The following CACNA1A variants were observed in gnomAD, a reference collection of about 807,000 sequenced individuals.
CACNA1A encodes calcium voltage-gated channel subunit alpha1 A.
In CACNA1A, 57 loss-of-function variants were observed where a neutral mutation model predicts 262.4. The ratio of observed to expected loss-of-function variants is 0.22; its 90% CI spans 0.18 to 0.27. The LOEUF is 0.27. Among genes scored for constraint, CACNA1A ranks in the 10% least tolerant of loss-of-function variants. The pLI is 1.00. For missense variants in CACNA1A, 2,526 were observed against 3,562.8 expected (o/e 0.71, Z 7.41); for synonymous variants, 1,431 against 1,419.3 (o/e 1.01, Z -0.18).
Position 13,252,971 on chromosome 19 carries a change from A to G in CACNA1A, c.4866+20T>C. The G allele has an allele frequency of 6.6e-7, 1 of 1,506,880 alleles. No individual in the cohort carries two copies. Among genetic ancestry groups the G allele is most frequent in the Non-Finnish European group, 9.2e-7 (1 of 1,082,790 alleles). The allele number at this position is 1,506,880 out of a possible 1,614,324, so 93.3% of individuals were successfully genotyped here. On this transcript the variant is annotated intron_variant, in intron 30 of 46. Transcript: ENST00000360228. ...GGGCTTCTCCCAAGCCCATAGCTGT[A>G]GCCCCAAGGTGGTACTTACCAGAAT...
chr19:13,482,057 T>C (rs1032598803), intron 1 of CACNA1A, among the ~76,000 whole-genome samples: 2 of 151,944 alleles, frequency 1.3e-5, no homozygotes, highest in African/African-American at 2.4e-5. Context: ...ACGGAAAGAT[T>C]TTCACTTAAA....
At position 13,335,903 on chromosome 19, in the gene CACNA1A, C is replaced by T. The variant is rs1353041373; in HGVS notation, c.985G>A (p.Asp329Asn). The T allele has an allele frequency of 6.3e-7, 1 of 1,597,206 alleles. No individual in the cohort carries two copies. The highest frequency in any genetic ancestry group is 8.5e-7 in the Non-Finnish European group (1 of 1,170,196). ...GWTDLLYNSN[D>N]ASGNTWNWLY... ...CAGTTCCAAGTGTTCCCTGAGGCAT[C>T]GTTGCTCTGTAGGGTGTGAGGAGGG... The change falls in exon 7 of 47, where the codon GAT becomes AAT. Residue 329 changes from aspartate to asparagine, a missense_variant. Physicochemically the swap from Asp to Asn is conservative, Grantham distance 23. This residue lies in a region of CACNA1A where 52 missense variants were observed against 124.0 expected (regional missense o/e 0.42). Transcript: ENST00000360228.
intron 31 of CACNA1A, among the ~76,000 whole-genome samples, chr19:13,238,847 A>G (rs2055970357): frequency 6.6e-6 from 1 of 152,122 alleles, no homozygotes; most frequent in African/African-American, 2.4e-5. Flanking sequence ...TCAGCCTCCC[A>G]AAGTGCTGGG....
Position 13,362,443 on chromosome 19 carries a change from T to G in CACNA1A, c.785-2644A>C, listed in dbSNP as rs1363365096. 3.9e-5 allele frequency: 6 copies of G among 152,228 alleles called. No individual in the cohort carries two copies. In the East Asian group the frequency reaches 1.2e-3, roughly 29 times the overall value. 9.4% of individuals were successfully genotyped at this position (152,228 alleles called of 1,614,324 possible). On this transcript the variant is annotated intron_variant, in intron 5 of 46. Coordinates refer to ENST00000360228, the MANE Select transcript of CACNA1A (RefSeq NM_001127222.2). ...TGGTCTTGAACTCCTGACCTTTTGA[T>G]CCGCCTGCCTCGGCCTCCCAAAGTG...
chr19:13,216,861 T>C (rs2055031880), intron 38 of CACNA1A, among the ~76,000 whole-genome samples: 1 of 152,134 alleles, frequency 6.6e-6, no homozygotes, highest in Non-Finnish European at 1.5e-5. Context: ...TTACGTTTAA[T>C]ATGCTAATTG....
At chr19:13,328,479 C>G (rs2058406261) in intron 10 of CACNA1A, among the ~76,000 whole-genome samples, 1 of 152,108 alleles carries the variant, frequency 6.6e-6, no homozygotes, top group Non-Finnish European at 1.5e-5. Flanking sequence ...ATTCGATGGC[C>G]TGGGTGGGGA....
At chr19:13,502,623 C>T (rs1391735607) in intron 1 of CACNA1A, among the ~76,000 whole-genome samples, 1 of 152,168 alleles carries the variant, frequency 6.6e-6, no homozygotes, top group African/African-American at 2.4e-5. Flanking sequence ...GGCTTGCTGC[C>T]TGGCATGAGA....
intron 20 of CACNA1A, among the ~76,000 whole-genome samples, chr19:13,285,901 A>C (rs2057385687): frequency 6.6e-6 from 1 of 151,332 alleles, no homozygotes; most frequent in Non-Finnish European, 1.5e-5. Flanking sequence ...AATCTCTCAC[A>C]TAGAACTGAC....
At position 13,335,792 on chromosome 19, in the gene CACNA1A, T is replaced by G; in HGVS notation, c.1082+14A>C. The G allele has an allele frequency of 6.5e-7, 1 of 1,542,238 alleles. No homozygotes were observed. The highest frequency in any genetic ancestry group is 1.4e-5 in the African/African-American group (1 of 73,342). On this transcript the variant is annotated intron_variant, in intron 7 of 46. Transcript: ENST00000360228. ...GGAGTGAGTGGGATGGGGTGGGGAG[T>G]AGCAGAAACTTACCCTGACAGCACA...
chr19:13,277,381 G>GC, intron 22 of CACNA1A: 1 of 372,542 alleles, frequency 2.7e-6, no homozygotes, highest in Admixed American at 4.1e-5. Flanking sequence ...ACTGTACTAG[G>GC]CCAGTTCGCT....
At chr19:13,282,161 G>C (rs1196894101) in intron 22 of CACNA1A, among the ~76,000 whole-genome samples, 1 of 152,216 alleles carries the variant, frequency 6.6e-6, no homozygotes, top group Admixed American at 6.5e-5. Context: ...AGGTCCCCAG[G>C]GGGGCCTGCC....
At chr19:13,375,486 C>T (rs772833853) in intron 3 of CACNA1A, among the ~76,000 whole-genome samples, 4 of 152,070 alleles carry the variant, frequency 2.6e-5, no homozygotes, top group Non-Finnish European at 5.9e-5. Context: ...GTGAGGAAGG[C>T]GTGTCAAAAG....
chr19:13,386,796 G>GA (rs976186371), intron 3 of CACNA1A, among the ~76,000 whole-genome samples: 7 of 151,746 alleles, frequency 4.6e-5, no homozygotes, highest in African/African-American at 1.7e-4. Flanking sequence ...CTGTCTGAAG[G>GA]AAAAAAAGAA....
At chr19:13,428,487 T>C (rs1342154081) in intron 3 of CACNA1A, among the ~76,000 whole-genome samples, 2 of 152,168 alleles carry the variant, frequency 1.3e-5, no homozygotes, top group Non-Finnish European at 2.9e-5. Flanking sequence ...TACCTGCCAA[T>C]ATCCCCAAAT....
At chr19:13,270,089 G>C (rs977692036) in intron 24 of CACNA1A, among the ~76,000 whole-genome samples, 11 of 152,268 alleles carry the variant, frequency 7.2e-5, no homozygotes, top group African/African-American at 2.6e-4. Flanking sequence ...CTCACTGTGA[G>C]CCTCCGTATT....
At chr19:13,391,386 C>T (rs1366807185) in intron 3 of CACNA1A, among the ~76,000 whole-genome samples, 1 of 152,128 alleles carries the variant, frequency 6.6e-6, no homozygotes. Context: ...TAACCTTCTA[C>T]ATGGAGAGCA....
chr19:13,229,870 T>G lies in CACNA1A; in HGVS notation c.5528+212A>C, dbSNP rs1381115336. 6 of 468,126 alleles carry G rather than the reference T, an allele frequency of 1.3e-5. 1 individual carries two copies. Among genetic ancestry groups the G allele is most frequent in the Non-Finnish European group, 2.2e-5 (6 of 267,694 alleles). 29.0% of individuals were successfully genotyped at this position (468,126 alleles called of 1,614,324 possible). A position where few individuals can be genotyped will look rare whatever the true frequency, so the allele number is the denominator to read the frequency against. Reference sequence around the variant, plus strand: ...ACGCCCTCCCTCATTTCCCAGAAAGTCCAGGGTTTGGGCAGGGTTGGCACC... The same window carrying G: ...ACGCCCTCCCTCATTTCCCAGAAAGGCCAGGGTTTGGGCAGGGTTGGCACC... On this transcript the variant is annotated intron_variant, in intron 36 of 46. Transcript: ENST00000360228.
chr19:13,293,474 C>A (rs2057590777), intron 19 of CACNA1A, among the ~76,000 whole-genome samples: 1 of 107,328 alleles, frequency 9.3e-6, no homozygotes, highest in Non-Finnish European at 1.7e-5. Context: ...GAGATGGAGT[C>A]TCGCTCTGTC....
At chr19:13,501,289 T>C (rs746483850) in intron 1 of CACNA1A, among the ~76,000 whole-genome samples, 4 of 151,876 alleles carry the variant, frequency 2.6e-5, no homozygotes, top group Non-Finnish European at 5.9e-5. Context: ...ATGATTCTCC[T>C]GCCAGCCTCC....
Sources: gnomAD v4.1 joint callset for allele counts (sites outside exome capture counted in the v4.1 genomes callset) on GRCh38, gnomAD v4.1.1 for gene constraint, gnomAD v4.1.1 regional missense constraint, MANE v1.5 for transcripts, NCBI Gene and HGNC (gene_info 2026-07-23, HGNC 2026-07-21) for gene names.